Variants in FSTL5 observed in about 807,000 individuals in gnomAD.
FSTL5 encodes follistatin-related protein 5.
A neutral mutation model predicts 89.1 loss-of-function variants in FSTL5; 62 were observed. The observed-to-expected ratio is 0.70, with a 90% CI of 0.57 to 0.86. FSTL5 has a LOEUF of 0.86. FSTL5 is among the 40% of genes least tolerant of loss of function. FSTL5 has a pLI of 0.00. For synonymous variants in FSTL5, 383 were observed against 346.2 expected, an observed-to-expected ratio of 1.11 and a Z score of -1.18; for missense variants, 1,057 against 1,001.6, an observed-to-expected ratio of 1.06 and a Z score of -0.75.
chr4:161,917,167 G>A lies in FSTL5; in HGVS notation c.409+3237C>T, dbSNP rs546368408. Among the ~76,000 whole-genome samples the A allele has an allele frequency of 7.6e-4, 116 of 152,064 alleles. No individual in the cohort carries two copies. The East Asian group carries it at 0.014, about 19-fold the overall frequency. On this transcript the variant is annotated intron_variant, in intron 4 of 15. Transcript: ENST00000306100. ...GAGACGGGGTTTCACCAAGTTGGCC[G>A]GGCTGGTATTGAACTCCTGGCCTCG...
chr4:161,857,629 A>G (rs1321674607), intron 4 of FSTL5, among the ~76,000 whole-genome samples: 1 of 152,138 alleles, frequency 6.6e-6, no homozygotes, highest in African/African-American at 2.4e-5. Flanking sequence ...CTCTATTTTA[A>G]TTATTTAATA....
intron 2 of FSTL5, among the ~76,000 whole-genome samples, chr4:162,091,321 A>G (rs145840916): frequency 1.6e-3 from 237 of 152,234 alleles, no homozygotes; most frequent in African/African-American, 5.3e-3. Context: ...ACACTTACAT[A>G]AATGATATTA....
At chr4:162,104,039 G>A (rs1053083878) in intron 2 of FSTL5, among the ~76,000 whole-genome samples, 2 of 152,186 alleles carry the variant, frequency 1.3e-5, no homozygotes, top group African/African-American at 4.8e-5. Flanking sequence ...ATCCGCGTTT[G>A]TTATGGCTCC....
chr4:161,865,517 A>G (rs941228860), intron 4 of FSTL5, among the ~76,000 whole-genome samples: 1 of 152,144 alleles, frequency 6.6e-6, no homozygotes, highest in African/African-American at 2.4e-5. Context: ...TAACCACAGT[A>G]TGATTTTGAA....
rs527824999 is a variant in FSTL5, at chr4:161,951,475, G to T, written c.161-30823C>A. ...ATTTACATCCCCAAACCTCTGCTGG[G>T]TTTTCTTAACAATGATATAGTCACT... is the stretch of plus-strand genomic sequence containing the variant. On this transcript the variant is annotated intron_variant, in intron 3 of 15. Transcript: ENST00000306100. Among the ~76,000 whole-genome samples, 1,007 of 152,032 alleles carry T rather than the reference G, an allele frequency of 6.6e-3. 7 individuals carry two copies. Among genetic ancestry groups the T allele is most frequent in the Non-Finnish European group, 0.011 (728 of 67,970 alleles).
At chr4:161,521,110 G>A (rs1731004841) in intron 10 of FSTL5, among the ~76,000 whole-genome samples, 1 of 152,080 alleles carries the variant, frequency 6.6e-6, no homozygotes, top group Admixed American at 6.6e-5. Context: ...GACATAATAA[G>A]CTCTAGATGT....
At chr4:161,448,036 T>C (rs562678585) in intron 15 of FSTL5, among the ~76,000 whole-genome samples, 1 of 152,088 alleles carries the variant, frequency 6.6e-6, no homozygotes, top group East Asian at 1.9e-4. Flanking sequence ...GTAAAGAAAC[T>C]GTGGAAAGGG....
intron 4 of FSTL5, among the ~76,000 whole-genome samples, chr4:161,822,213 C>T (rs1350714745): frequency 6.6e-6 from 1 of 152,034 alleles, no homozygotes; most frequent in Non-Finnish European, 1.5e-5. Flanking sequence ...GTCACAGGAT[C>T]CTTAGGGGTG....
chr4:161,460,608 T>C (rs1389154468), intron 13 of FSTL5, among the ~76,000 whole-genome samples: 1 of 152,188 alleles, frequency 6.6e-6, no homozygotes, highest in Non-Finnish European at 1.5e-5. Context: ...ATGTTTTAAA[T>C]TAAATGTTAA....
intron 4 of FSTL5, among the ~76,000 whole-genome samples, chr4:161,839,233 C>T (rs1223809502): frequency 6.6e-6 from 1 of 151,568 alleles, no homozygotes; most frequent in Non-Finnish European, 1.5e-5. Flanking sequence ...ATTTAAAAGT[C>T]AAAAGTTATT....
intron 7 of FSTL5, among the ~76,000 whole-genome samples, chr4:161,602,528 A>G (rs1055095832): frequency 1.3e-5 from 2 of 152,208 alleles, no homozygotes; most frequent in Non-Finnish European, 2.9e-5. Context: ...ATTTGAGATT[A>G]GAGATTAGAA....
At chr4:161,862,886 G>T (rs1387231252) in intron 4 of FSTL5, among the ~76,000 whole-genome samples, 1 of 152,084 alleles carries the variant, frequency 6.6e-6, no homozygotes, top group Admixed American at 6.6e-5. Flanking sequence ...TAAATGTATG[G>T]ATGAGTAAAA....
intron 6 of FSTL5, among the ~76,000 whole-genome samples, chr4:161,667,058 A>G (rs1449955058): frequency 6.6e-6 from 1 of 152,072 alleles, no homozygotes; most frequent in Admixed American, 6.6e-5. Flanking sequence ...AGACAAAACT[A>G]TATTTTTATA....
chr4:161,854,492 C>T (rs1421767043), intron 4 of FSTL5, among the ~76,000 whole-genome samples: 3 of 152,148 alleles, frequency 2.0e-5, no homozygotes, highest in Non-Finnish European at 4.4e-5. Flanking sequence ...CATATATCTT[C>T]ACCAGCCTAA....
At chr4:161,393,634 T>C (rs1730897172) in intron 15 of FSTL5, among the ~76,000 whole-genome samples, 2 of 152,068 alleles carry the variant, frequency 1.3e-5, no homozygotes, top group Admixed American at 1.3e-4. Context: ...TTGGAATAAA[T>C]CAAGAGGGGC....
rs1021198389 is a variant in FSTL5, at chr4:162,141,406, C to T, written c.-17+22209G>A. On this transcript the variant is annotated intron_variant, in intron 1 of 15. Transcript: ENST00000306100. ...CTGGGATTACAGGCGTGAGCCACCG[C>T]GCCCGGCCTCCCTTCTCTCTTTTGG... 4.5e-5 allele frequency among the ~76,000 whole-genome samples: 4 copies of T among 89,324 alleles called. 1 individual carries two copies. The highest frequency in any genetic ancestry group is 7.5e-5 in the African/African-American group (2 of 26,758). 58.6% of individuals were successfully genotyped at this position (89,324 alleles called of 152,430 possible). A position where few individuals can be genotyped will look rare whatever the true frequency, so the allele number is the denominator to read the frequency against.
At chr4:162,156,276 T>A (rs1004801939) in intron 1 of FSTL5, among the ~76,000 whole-genome samples, 1 of 152,060 alleles carries the variant, frequency 6.6e-6, no homozygotes, top group Non-Finnish European at 1.5e-5. Context: ...AAAAGGCAAA[T>A]CTTATATGCT....
At chr4:161,939,990 C>T (rs1237757778) in intron 3 of FSTL5, among the ~76,000 whole-genome samples, 1 of 151,748 alleles carries the variant, frequency 6.6e-6, no homozygotes, top group African/African-American at 2.4e-5. Context: ...TTTTACTTAC[C>T]TTAGCACTCC....
intron 3 of FSTL5, among the ~76,000 whole-genome samples, chr4:161,926,411 TG>T (rs1367527293): frequency 2.8e-4 from 20 of 72,682 alleles, no homozygotes; most frequent in African/African-American, 6.1e-4. Context: ...TTTTTTGTTT[TG>T]TTTTTTGTTT....
Sources: allele counts gnomAD v4.1 joint callset (sites outside exome capture counted in the v4.1 genomes callset), GRCh38; gene constraint gnomAD v4.1.1; transcripts MANE v1.5; gene names NCBI Gene and HGNC (gene_info 2026-07-23, HGNC 2026-07-21).